Variants in CNTN4 observed in about 807,000 individuals in gnomAD.
The protein encoded by CNTN4 is contactin-4.
In CNTN4, 77 loss-of-function variants were observed where a neutral mutation model predicts 122.5. That is an observed-to-expected ratio of 0.63 (90% CI 0.52 to 0.76). The LOEUF is 0.76. Ranked by LOEUF, CNTN4 falls within the 30% of genes least tolerant of loss-of-function variation. The probability of loss-of-function intolerance (pLI) is 0.00; values close to 1 mark genes in which losing one functional copy is unlikely to be tolerated. For synonymous variants in CNTN4, 512 were observed against 447.0 expected, an observed-to-expected ratio of 1.15 and a Z score of -1.83; for missense variants, 1,256 against 1,259.1, an observed-to-expected ratio of 1.00 and a Z score of 0.04.
chr3:2,531,252 C>T (rs1227404102), intron 3 of CNTN4, among the ~76,000 whole-genome samples: 1 of 152,100 alleles, frequency 6.6e-6, no homozygotes, highest in African/African-American at 2.4e-5. Context: ...AGGGTGTTTT[C>T]CCTTCATCAT....
chr3:2,808,637 C>G (rs1228926909), intron 6 of CNTN4, among the ~76,000 whole-genome samples: 3 of 152,104 alleles, frequency 2.0e-5, no homozygotes, highest in East Asian at 1.9e-4. Flanking sequence ...ATGTTTTCAT[C>G]ATCTCTGGCA....
At chr3:2,660,929 A>C (rs763428479) in intron 4 of CNTN4, among the ~76,000 whole-genome samples, 1 of 152,268 alleles carries the variant, frequency 6.6e-6, no homozygotes, top group African/African-American at 2.4e-5. Context: ...ACTAAAGGTC[A>C]TCACAACTAG....
At chr3:2,195,418 G>T (rs1465856760) in intron 2 of CNTN4, among the ~76,000 whole-genome samples, 1 of 152,164 alleles carries the variant, frequency 6.6e-6, no homozygotes, top group Non-Finnish European at 1.5e-5. Flanking sequence ...TATTGTTTCA[G>T]TTCCTTTGGA....
intron 2 of CNTN4, among the ~76,000 whole-genome samples, chr3:2,328,817 A>G (rs1457825482): frequency 6.6e-6 from 1 of 152,168 alleles, no homozygotes; most frequent in African/African-American, 2.4e-5. Context: ...ATACGACATC[A>G]CTTTATATAA....
At chr3:2,972,539 GTGGATTAT>G (rs1270275023) in intron 13 of CNTN4, among the ~76,000 whole-genome samples, 2 of 152,156 alleles carry the variant, frequency 1.3e-5, no homozygotes, top group Non-Finnish European at 2.9e-5. Flanking sequence ...ATTTGCTGCT[GTGGATTAT>G]TTGGAAACAG....
chr3:2,184,927 C>T (rs1317433031), intron 2 of CNTN4, among the ~76,000 whole-genome samples: 1 of 152,186 alleles, frequency 6.6e-6, no homozygotes, highest in Non-Finnish European at 1.5e-5. Flanking sequence ...TTCAGGTCCT[C>T]AAAATCTTTG....
At chr3:2,376,586 T>C (rs17013470) in intron 3 of CNTN4, among the ~76,000 whole-genome samples, 20,094 of 151,948 alleles carry the variant, frequency 0.13, 1,529 homozygotes, top group Middle Eastern at 0.17. Flanking sequence ...CAGTTGCAGT[T>C]GTCACTGTTT....
chr3:2,574,750 T>C (rs565132371), intron 4 of CNTN4, among the ~76,000 whole-genome samples: 185 of 152,248 alleles, frequency 1.2e-3, no homozygotes, highest in Non-Finnish European at 2.2e-3. Context: ...CAACAGGGAA[T>C]GTTAGTGACT....
intron 2 of CNTN4, among the ~76,000 whole-genome samples, chr3:2,169,453 C>G (rs1275068159): frequency 6.6e-6 from 1 of 152,060 alleles, no homozygotes; most frequent in Admixed American, 6.6e-5. Context: ...GTCACTCAGG[C>G]TGGAGTGCGG....
intron 3 of CNTN4, among the ~76,000 whole-genome samples, chr3:2,395,840 A>G (rs964183846): frequency 5.3e-5 from 8 of 152,152 alleles, no homozygotes; most frequent in African/African-American, 1.9e-4. Context: ...GCGGTTTACC[A>G]TATGTGAAGT....
intron 2 of CNTN4, among the ~76,000 whole-genome samples, chr3:2,174,193 T>C (rs1559311890): frequency 6.6e-6 from 1 of 152,140 alleles, no homozygotes; most frequent in African/African-American, 2.4e-5. Flanking sequence ...TTGCTGTCTT[T>C]TCCGTGGAAA....
chr3:3,006,291 G>A (rs570467602), intron 14 of CNTN4, among the ~76,000 whole-genome samples: 27 of 152,210 alleles, frequency 1.8e-4, no homozygotes, highest in Admixed American at 7.9e-4. Flanking sequence ...GAACACTCAC[G>A]TATACTCATA....
At chr3:3,018,664 C>T (rs1163205124) in intron 14 of CNTN4, among the ~76,000 whole-genome samples, 1 of 152,122 alleles carries the variant, frequency 6.6e-6, no homozygotes, top group Non-Finnish European at 1.5e-5. Flanking sequence ...TACAGAAATA[C>T]TTATAGATGT....
At chr3:2,528,913 A>G (rs1386830014) in intron 3 of CNTN4, among the ~76,000 whole-genome samples, 3 of 152,126 alleles carry the variant, frequency 2.0e-5, no homozygotes, top group Non-Finnish European at 4.4e-5. Context: ...GTTAATGAGC[A>G]TATCCTGTCA....
At chr3:2,704,283 C>A (rs1160561535) in intron 4 of CNTN4, among the ~76,000 whole-genome samples, 1 of 103,004 alleles carries the variant, frequency 9.7e-6, no homozygotes, top group East Asian at 2.8e-4. Flanking sequence ...GGTGACAGAG[C>A]GAGACTTCAT....
intron 4 of CNTN4, chr3:2,629,606 A>T (rs1447807972): frequency 2.2e-6 from 1 of 445,626 alleles, no homozygotes; most frequent in Admixed American, 2.5e-5. Context: ...AGAAAATAGA[A>T]AAGCCTAAGT....
chr3:2,144,775 G>C (rs2035164851), intron 2 of CNTN4, among the ~76,000 whole-genome samples: 1 of 152,176 alleles, frequency 6.6e-6, no homozygotes, highest in Admixed American at 6.5e-5. Context: ...TTAAATATTG[G>C]AATTGTATCT....
chr3:2,481,421 G>T (rs2076003320), intron 3 of CNTN4, among the ~76,000 whole-genome samples: 1 of 152,114 alleles, frequency 6.6e-6, no homozygotes, highest in Non-Finnish European at 1.5e-5. Flanking sequence ...GATTACAGGT[G>T]TGAGCCACTG....
intron 2 of CNTN4, among the ~76,000 whole-genome samples, chr3:2,208,409 G>T (rs1459394724): frequency 6.6e-6 from 1 of 152,128 alleles, no homozygotes; most frequent in Non-Finnish European, 1.5e-5. Flanking sequence ...TGAAATTGTT[G>T]CAATCTCATG....
Sources: gnomAD v4.1 joint callset for allele counts (sites outside exome capture counted in the v4.1 genomes callset) on GRCh38, gnomAD v4.1.1 for gene constraint, MANE v1.5 for transcripts, NCBI Gene and HGNC (gene_info 2026-07-23, HGNC 2026-07-21) for gene names.